CYLD: variants seen among roughly 807,000 people sequenced by gnomAD.
CYLD encodes the protein CYLD lysine 63 deubiquitinase.
A neutral mutation model predicts 104.5 loss-of-function variants in CYLD; 26 were observed. The observed-to-expected ratio is 0.25, with a 90% CI of 0.18 to 0.35. The LOEUF is 0.35. Among genes scored for constraint, CYLD ranks in the 10% least tolerant of loss-of-function variants. CYLD has a pLI of 1.00. For synonymous variants in CYLD, 385 were observed against 399.9 expected, an observed-to-expected ratio of 0.96 and a Z score of 0.45; for missense variants, 703 against 1,136.1, an observed-to-expected ratio of 0.62 and a Z score of 5.48.
intron 16 of CYLD, among the ~76,000 whole-genome samples, chr16:50,793,115 T>TACAA (rs146702654): frequency 1.4e-5 from 2 of 145,038 alleles, no homozygotes; most frequent in Admixed American, 1.4e-4. Context: ...AGGAGCCATA[T>TACAA]ACACACACAC....
intron 5 of CYLD, among the ~76,000 whole-genome samples, chr16:50,766,269 A>T (rs1196955492): frequency 6.6e-6 from 1 of 152,220 alleles, no homozygotes; most frequent in East Asian, 1.9e-4. Context: ...TGTGCTCTAT[A>T]AATGGAACAA....
At position 50,800,452 on chromosome 16, in the gene CYLD, G is replaced by C. The variant is rs1972380057; in HGVS notation, c.*3944G>C. ...TCTCTGTGTTTACATACTAATTTGT[G>C]TAAGAAATGCATTTTAGTCTGTGTA... On this transcript the variant is annotated 3_prime_UTR_variant, in exon 19 of 19. Transcript: ENST00000427738. 4.3e-6 allele frequency: 1 copy of C among 233,130 alleles called. No individual in the cohort carries two copies. Among genetic ancestry groups the C allele is most frequent in the Non-Finnish European group, 8.5e-6 (1 of 117,976 alleles). 14.4% of individuals were successfully genotyped at this position (233,130 alleles called of 1,614,324 possible).
At chr16:50,769,407 C>T (rs562371256) in intron 5 of CYLD, among the ~76,000 whole-genome samples, 21 of 152,256 alleles carry the variant, frequency 1.4e-4, no homozygotes, top group South Asian at 4.1e-4. Context: ...TTTTACTCTG[C>T]GCTTCATTGG....
intron 3 of CYLD, among the ~76,000 whole-genome samples, chr16:50,751,190 G>A (rs1266859073): frequency 6.6e-6 from 1 of 152,170 alleles, no homozygotes; most frequent in African/African-American, 2.4e-5. Flanking sequence ...CCTGTACAAT[G>A]GTGTTAATAG....
intron 16 of CYLD, among the ~76,000 whole-genome samples, chr16:50,793,296 T>C (rs1195249587): frequency 6.6e-6 from 1 of 152,198 alleles, no homozygotes; most frequent in Non-Finnish European, 1.5e-5. Context: ...TTTTCATCAA[T>C]GGGTATTTTA....
rs1971946281 is a variant in CYLD, at chr16:50,795,553, C to T, written c.2687-771C>T. 13 of 702,826 alleles carry T rather than the reference C, an allele frequency of 1.8e-5. No homozygotes were observed. The East Asian group carries it at 3.5e-4, about 19-fold the overall frequency. The allele number at this position is 702,826 out of a possible 1,614,324, so 43.5% of individuals were successfully genotyped here. A position where few individuals can be genotyped will look rare whatever the true frequency, so the allele number is the denominator to read the frequency against. On this transcript the variant is annotated intron_variant, in intron 18 of 18. Transcript: ENST00000427738. The stretch of plus-strand genomic sequence containing the variant: ...ATACCCTATTTTTCCTTTAGCTGCT[C>T]TCTCAGATCCAGCCCCCACGGCCTT...
chr16:50,770,047 T>C (rs1034330469), intron 5 of CYLD, among the ~76,000 whole-genome samples: 9 of 152,240 alleles, frequency 5.9e-5, no homozygotes, highest in East Asian at 3.8e-4. Context: ...TTTAACTGTT[T>C]AGCTGTTGAA....
chr16:50,798,492 C>A lies in CYLD; in HGVS notation c.*1984C>A, dbSNP rs145519346. 4 of 232,186 alleles carry A rather than the reference C, an allele frequency of 1.7e-5. No individual in the cohort carries two copies. The highest frequency in any genetic ancestry group is 1.2e-4 in the East Asian group (2 of 16,468). 14.4% of individuals were successfully genotyped at this position (232,186 alleles called of 1,614,324 possible). On this transcript the variant is annotated 3_prime_UTR_variant, in exon 19 of 19. Transcript: ENST00000427738. ...GATGTGTGTCAGTTATATGCAAATT[C>A]TGTACCATTTTGTATCAGGGAATTG...
chr16:50,751,717 A>G lies in CYLD; in HGVS notation c.618A>G (p.Glu206=), dbSNP rs371338061. Residue 206 remains glutamate (E), a synonymous_variant, in exon 4 of 19, where the codon GAA becomes GAG. Transcript: ENST00000427738. The stretch of plus-strand genomic sequence containing the variant: ...CATTGGACAAGCTAGAACTCATAGA[A>G]GATGATGACACTGCATTGGAAAGTG... ...FVALDKLELI[E]DDDTALESDY... is the part of the protein sequence containing the mutation. 3.5e-5 allele frequency: 57 copies of G among 1,613,900 alleles called. No homozygotes were observed. In the African/African-American group the frequency reaches 7.2e-4, roughly 20 times the overall value.
At chr16:50,757,104 G>A (rs1967336202) in intron 5 of CYLD, among the ~76,000 whole-genome samples, 1 of 149,750 alleles carries the variant, frequency 6.7e-6, no homozygotes, top group African/African-American at 2.5e-5. Context: ...AAACTGAATT[G>A]TTTTTTTTTC....
Position 50,749,755 on chromosome 16 carries a change from G to C in CYLD, c.57G>C (p.Arg19=). The C allele has an allele frequency of 1.2e-6, 2 of 1,613,732 alleles. No homozygotes were observed. Among genetic ancestry groups the C allele is most frequent in the East Asian group, 2.2e-5 (1 of 44,866 alleles). The part of the protein sequence containing the change: ...EKVTSPYWEE[R]IFYLLLQECS... ...TCACTTCACCCTACTGGGAAGAGCGGATTTTTTACTTGCTTCTTCAAGAAT... is the reference window on the plus strand; with the variant it reads ...TCACTTCACCCTACTGGGAAGAGCGCATTTTTTACTTGCTTCTTCAAGAAT... Residue 19 remains arginine (R), a synonymous_variant, in exon 3 of 19, where the codon CGG becomes CGC. Transcript: ENST00000427738.
Position 50,776,011 on chromosome 16 carries a change from A to G in CYLD, c.923-168A>G, listed in dbSNP as rs528373091. Among the ~76,000 whole-genome samples the G allele has an allele frequency of 9.2e-5, 14 of 152,268 alleles. No individual in the cohort carries two copies. The East Asian group carries it at 2.5e-3, about 27-fold the overall frequency. On this transcript the variant is annotated intron_variant, in intron 6 of 18. Transcript: ENST00000427738. ...AAATACAGCATTGGTTTTTTCCCCC[A>G]TAGTATTATCTTTTTCAATACTTTT... is the stretch of plus-strand genomic sequence containing the variant.
At position 50,791,728 on chromosome 16, in the gene CYLD, C is replaced by G. The variant is rs777201754; in HGVS notation, c.2241+38C>G. The G allele has an allele frequency of 5.0e-6, 8 of 1,608,152 alleles. No individual in the cohort carries two copies. The African/African-American group carries it at 1.1e-4, about 22-fold the overall frequency. ...CACCTGTGGTATTTTATGTGAAAGT[C>G]TGTGGGAGTCTTAAGACTATTGGTA... is the stretch of plus-strand genomic sequence containing the variant. On this transcript the variant is annotated intron_variant, in intron 15 of 18. Transcript: ENST00000427738.
chr16:50,776,906 A>G (rs1411527758), intron 7 of CYLD, among the ~76,000 whole-genome samples: 1 of 152,226 alleles, frequency 6.6e-6, no homozygotes, highest in East Asian at 1.9e-4. Flanking sequence ...CTCATTTAAA[A>G]GGAAATTGTA....
chr16:50,762,555 A>C (rs1968071062), intron 5 of CYLD, among the ~76,000 whole-genome samples: 1 of 152,154 alleles, frequency 6.6e-6, no homozygotes, highest in Non-Finnish European at 1.5e-5. Context: ...TTTCTTAATG[A>C]ATGTCTTGGC....
chr16:50,767,835 T>C (rs1359526904), intron 5 of CYLD, among the ~76,000 whole-genome samples: 2 of 152,200 alleles, frequency 1.3e-5, no homozygotes, highest in African/African-American at 4.8e-5. Flanking sequence ...GAAATGTAAA[T>C]TATCTTGGGT....
Position 50,751,733 on chromosome 16 carries a change from T to A in CYLD, c.634T>A (p.Leu212Met), listed in dbSNP as rs1353759220. The change falls in exon 4 of 19, where the codon TTG (leucine) becomes ATG (methionine). Residue 212 changes from leucine (L) to methionine (M), a missense_variant. Leu to Met is a conservative substitution (Grantham distance 15). Coordinates refer to ENST00000427738, the MANE Select transcript of CYLD (RefSeq NM_001378743.1). ...ACTCATAGAAGATGATGACACTGCATTGGAAAGTGATTACGCAGGTCCTGG... is the reference window on the plus strand; with the variant it reads ...ACTCATAGAAGATGATGACACTGCAATGGAAAGTGATTACGCAGGTCCTGG... ...LELIEDDDTA[L>M]ESDYAGPGDT... 6.2e-7 allele frequency: 1 copy of A among 1,613,650 alleles called. No homozygotes were observed. Among genetic ancestry groups the A allele is most frequent in the East Asian group, 2.2e-5 (1 of 44,874 alleles).
Position 50,793,561 on chromosome 16 carries a change from G to C in CYLD, c.2366G>C (p.Arg789Pro). The change falls in exon 17 of 19, where the codon CGG (arginine) becomes CCG (proline). Residue 789 changes from arginine (R) to proline (P), a missense_variant. This residue lies in a region of CYLD where 130 missense variants were observed against 220.2 expected (regional missense o/e 0.59). Transcript: ENST00000427738. ...CACATTTCAGCTCCCAGACAGTGCC[G>C]GATATGTGGAGGGCTTGCAATGTAT... ...DLLEDTPRQC[R>P]ICGGLAMYEC... The C allele has an allele frequency of 6.2e-7, 1 of 1,612,304 alleles. No individual in the cohort carries two copies. Among genetic ancestry groups the C allele is most frequent in the South Asian group, 1.1e-5 (1 of 91,034 alleles).
Position 50,796,754 on chromosome 16 carries a change from T to C in CYLD, c.*246T>C. On this transcript the variant is annotated 3_prime_UTR_variant, in exon 19 of 19. Coordinates refer to ENST00000427738, the MANE Select transcript of CYLD (RefSeq NM_001378743.1). Reference sequence around the variant, plus strand: ...TTTTAAGAAGTCTAAATGAAGTTATTAATACCTGAAGCTTTAAGTTAAGTG... The same window carrying C: ...TTTTAAGAAGTCTAAATGAAGTTATCAATACCTGAAGCTTTAAGTTAAGTG... 1 of 515,886 alleles carries C rather than the reference T, an allele frequency of 1.9e-6. No homozygotes were observed. The highest frequency in any genetic ancestry group is 3.5e-6 in the Non-Finnish European group (1 of 283,650). 32.0% of individuals were successfully genotyped at this position (515,886 alleles called of 1,614,324 possible).
Sources: allele counts gnomAD v4.1 joint callset (sites outside exome capture counted in the v4.1 genomes callset), GRCh38; gene constraint gnomAD v4.1.1; regional missense constraint gnomAD v4.1.1; transcripts MANE v1.5; gene names NCBI Gene and HGNC (gene_info 2026-07-23, HGNC 2026-07-21).